SLIT2: variants seen among roughly 807,000 people sequenced by gnomAD.
The protein encoded by SLIT2 is slit guidance ligand 2, also known as slit homolog 2 protein.
A neutral mutation model predicts 185.7 loss-of-function variants in SLIT2; 41 were observed. That is an observed-to-expected ratio of 0.22 (90% CI 0.17 to 0.29). The LOEUF is 0.29. SLIT2 is among the 10% of genes least tolerant of loss of function. The pLI, the probability that SLIT2 is intolerant of heterozygous loss-of-function variation, is 1.00. For synonymous variants in SLIT2, 693 were observed against 680.2 expected, an observed-to-expected ratio of 1.02 and a Z score of -0.29; for missense variants, 1,571 against 1,909.0, an observed-to-expected ratio of 0.82 and a Z score of 3.30.
chr4:20,428,550 T>C (rs1037937304), intron 4 of SLIT2, among the ~76,000 whole-genome samples: 2 of 152,204 alleles, frequency 1.3e-5, no homozygotes, highest in African/African-American at 4.8e-5. Flanking sequence ...ATATATTGTT[T>C]GCTGTTCTCA....
At chr4:20,578,490 T>C (rs1198463414) in intron 29 of SLIT2, among the ~76,000 whole-genome samples, 1 of 152,160 alleles carries the variant, frequency 6.6e-6, no homozygotes, top group Non-Finnish European at 1.5e-5. Context: ...TTATTATCAA[T>C]ATTAATAATT....
chr4:20,612,302 G>A (rs957974635), intron 34 of SLIT2, among the ~76,000 whole-genome samples: 4 of 127,848 alleles, frequency 3.1e-5, no homozygotes, highest in Non-Finnish European at 5.0e-5. Flanking sequence ...ACATTCCCCC[G>A]CCCCCCGCCA....
At chr4:20,340,381 G>T (rs1720862874) in intron 4 of SLIT2, among the ~76,000 whole-genome samples, 1 of 152,036 alleles carries the variant, frequency 6.6e-6, no homozygotes, top group South Asian at 2.1e-4. Context: ...ATTTATGTGT[G>T]ACCATTCTTC....
chr4:20,601,731 A>T (rs1728425611), intron 33 of SLIT2, among the ~76,000 whole-genome samples: 1 of 152,218 alleles, frequency 6.6e-6, no homozygotes, highest in South Asian at 2.1e-4. Context: ...CTGTAGTAAA[A>T]TCTATCAATA....
chr4:20,431,961 C>G (rs574493061), intron 4 of SLIT2, among the ~76,000 whole-genome samples: 47 of 151,492 alleles, frequency 3.1e-4, no homozygotes, highest in African/African-American at 9.5e-4. Flanking sequence ...TTCTCTTTCT[C>G]TGTGTGTGTT....
intron 4 of SLIT2, among the ~76,000 whole-genome samples, chr4:20,341,265 A>G (rs1720940211): frequency 6.6e-6 from 1 of 152,204 alleles, no homozygotes; most frequent in Non-Finnish European, 1.5e-5. Context: ...GTACCCATGG[A>G]GAATGTGTCC....
intron 4 of SLIT2, among the ~76,000 whole-genome samples, chr4:20,340,267 T>C (rs921916326): frequency 5.3e-5 from 8 of 152,194 alleles, no homozygotes; most frequent in African/African-American, 9.6e-5. Flanking sequence ...ATCTAAGTGT[T>C]TCCCTTCTGT....
intron 30 of SLIT2, among the ~76,000 whole-genome samples, chr4:20,593,770 A>G (rs556092250): frequency 6.6e-6 from 1 of 152,188 alleles, no homozygotes; most frequent in Non-Finnish European, 1.5e-5. Context: ...TTTCAATTAT[A>G]CCTCAGTAAA....
chr4:20,442,136 A>G (rs1203966591), intron 4 of SLIT2, among the ~76,000 whole-genome samples: 1 of 152,074 alleles, frequency 6.6e-6, no homozygotes, highest in African/African-American at 2.4e-5. Flanking sequence ...TTCTCCACCA[A>G]TGGAGAACAG....
chr4:20,472,611 T>TATATCGATATATATCG lies in SLIT2; in HGVS notation c.467+4792_467+4793insCGATATATATCGATAT, dbSNP rs1715637049. Among the ~76,000 whole-genome samples, 3 of 8,324 alleles carry TATATCGATATATATCG rather than the reference T, an allele frequency of 3.6e-4. 1 individual carries two copies. Among genetic ancestry groups the TATATCGATATATATCG allele is most frequent in the Non-Finnish European group, 5.7e-4 (3 of 5,264 alleles). The allele number at this position is 8,324 out of a possible 152,430, so 5.5% of individuals were successfully genotyped here. On this transcript the variant is annotated intron_variant, in intron 5 of 36. Transcript: ENST00000504154. Reference sequence around the variant, plus strand: ...ATAGATATATATCTATAGATATATCTATATATATCGATATATCTATATATA... The same window carrying TATATCGATATATATCG: ...ATAGATATATATCTATAGATATATCTATATCGATATATATCGATATATATCGATATATCTATATATA...
rs530577706 is a variant in SLIT2 at position 20,380,973 on chromosome 4, G to A, written c.396-86779G>A. 5.5e-4 allele frequency among the ~76,000 whole-genome samples: 83 copies of A among 152,222 alleles called. 3 individuals carry two copies. The South Asian group carries it at 0.016, about 29-fold the overall frequency. On this transcript the variant is annotated intron_variant, in intron 4 of 36. Transcript: ENST00000504154. ...AAAGCACATCAAAATAAAATTGCTG[G>A]CTGGGTGTGATGGCCCACTCCTGTA... is the stretch of plus-strand genomic sequence containing the variant.
At chr4:20,563,325 C>G (rs1330480405) in intron 26 of SLIT2, among the ~76,000 whole-genome samples, 1 of 151,774 alleles carries the variant, frequency 6.6e-6, no homozygotes, top group Non-Finnish European at 1.5e-5. Context: ...CTCCGTGGCA[C>G]ACATCTCATG....
intron 4 of SLIT2, among the ~76,000 whole-genome samples, chr4:20,311,676 C>T (rs1355195987): frequency 1.3e-5 from 2 of 152,112 alleles, no homozygotes; most frequent in African/African-American, 4.8e-5. Flanking sequence ...CTGTGTGTAA[C>T]TATTCTAATT....
intron 4 of SLIT2, among the ~76,000 whole-genome samples, chr4:20,373,504 T>G (rs535594400): frequency 1.3e-5 from 2 of 151,936 alleles, no homozygotes; most frequent in South Asian, 4.2e-4. Flanking sequence ...TACTAAAATT[T>G]TATCTATCCT....
At chr4:20,280,517 A>G (rs1421193180) in intron 4 of SLIT2, among the ~76,000 whole-genome samples, 2 of 152,060 alleles carry the variant, frequency 1.3e-5, no homozygotes, top group African/African-American at 4.8e-5. Context: ...ACCTTGCCCA[A>G]TGTGTTCACC....
intron 4 of SLIT2, among the ~76,000 whole-genome samples, chr4:20,330,914 G>C (rs986980180): frequency 6.6e-6 from 1 of 152,070 alleles, no homozygotes; most frequent in Non-Finnish European, 1.5e-5. Flanking sequence ...GCCAAAACTG[G>C]TTCCCATGCT....
chr4:20,385,195 G>T (rs1333227084), intron 4 of SLIT2, among the ~76,000 whole-genome samples: 1 of 152,058 alleles, frequency 6.6e-6, no homozygotes, highest in Non-Finnish European at 1.5e-5. Context: ...GTCCTCTCTG[G>T]TCTACACTGT....
At chr4:20,270,728 T>G (rs776545731) in intron 4 of SLIT2, among the ~76,000 whole-genome samples, 4 of 152,008 alleles carry the variant, frequency 2.6e-5, no homozygotes, top group Non-Finnish European at 5.9e-5. Flanking sequence ...GTTATATAAC[T>G]TGATGGCCTA....
At chr4:20,458,509 G>A (rs773566015) in intron 4 of SLIT2, among the ~76,000 whole-genome samples, 3 of 152,122 alleles carry the variant, frequency 2.0e-5, no homozygotes, top group Non-Finnish European at 2.9e-5. Flanking sequence ...CTTCCCTAGC[G>A]ATTCTGCCTA....
Sources: allele counts gnomAD v4.1 joint callset (sites outside exome capture counted in the v4.1 genomes callset), GRCh38; gene constraint gnomAD v4.1.1; transcripts MANE v1.5; gene names NCBI Gene and HGNC (gene_info 2026-07-23, HGNC 2026-07-21).